Variants in AGBL4 observed in about 807,000 individuals in gnomAD.
AGBL4 encodes the protein cytosolic carboxypeptidase 6.
A neutral mutation model predicts 66.4 loss-of-function variants in AGBL4; 58 were observed. The observed-to-expected ratio is 0.87, with a 90% confidence interval of 0.71 to 1.09. The LOEUF (loss-of-function observed/expected upper bound fraction) is 1.09. AGBL4 is among the 50% of genes least tolerant of loss of function. AGBL4 has a pLI of 0.00. For missense variants in AGBL4, 579 were observed against 631.0 expected (o/e 0.92, Z 0.88); for synonymous variants, 234 against 222.9 (o/e 1.05, Z -0.44).
chr1:48,974,938 A>G (rs1406658035), intron 5 of AGBL4, among the ~76,000 whole-genome samples: 2 of 152,090 alleles, frequency 1.3e-5, no homozygotes, highest in Non-Finnish European at 1.5e-5. Flanking sequence ...TTGCTTTTTT[A>G]TCATAATCTA....
In AGBL4 at chr1:49,477,368, G is replaced by A. The variant is rs940382997; in HGVS notation, c.282+219945C>T. Reference sequence around the variant, plus strand: ...CCCTAGATCCACGTAGCTTAGAGTGGAGAGAAATCAGCTCCATTTGTTTGG... The same window carrying A: ...CCCTAGATCCACGTAGCTTAGAGTGAAGAGAAATCAGCTCCATTTGTTTGG... On this transcript the variant is annotated intron_variant, in intron 3 of 13. Coordinates refer to ENST00000371839, the MANE Select transcript of AGBL4 (RefSeq NM_032785.4). Among the ~76,000 whole-genome samples, 8 of 152,084 alleles carry A rather than the reference G, an allele frequency of 5.3e-5. 1 individual carries two copies. Among genetic ancestry groups the A allele is most frequent in the Middle Eastern group, 6.3e-3 (2 of 316 alleles).
chr1:48,704,992 G>A (rs967354764), intron 6 of AGBL4, among the ~76,000 whole-genome samples: 1 of 152,148 alleles, frequency 6.6e-6, no homozygotes, highest in Non-Finnish European at 1.5e-5. Flanking sequence ...TGTGAGTAAT[G>A]CTTTCTACTA....
At position 49,687,513 on chromosome 1, in the gene AGBL4, C is replaced by T. The variant is rs886332661; in HGVS notation, c.282+9800G>A. On this transcript the variant is annotated intron_variant, in intron 3 of 13. Coordinates refer to ENST00000371839, the MANE Select transcript of AGBL4 (RefSeq NM_032785.4). The stretch of plus-strand genomic sequence containing the variant: ...TGGGCAGAGCACAACGGTTCATGTC[C>T]GCAATCCCAGCACTTTAGGAGGCCG... 2.0e-5 allele frequency among the ~76,000 whole-genome samples: 3 copies of T among 151,952 alleles called. No homozygotes were observed. The East Asian group carries it at 5.8e-4, about 29-fold the overall frequency.
At chr1:49,395,650 T>A (rs1054126466) in intron 3 of AGBL4, among the ~76,000 whole-genome samples, 1 of 148,958 alleles carries the variant, frequency 6.7e-6, no homozygotes, top group Non-Finnish European at 1.5e-5. Context: ...CTTATGAGAA[T>A]GTATTTGAAT....
intron 3 of AGBL4, among the ~76,000 whole-genome samples, chr1:49,300,541 C>T (rs549106891): frequency 6.6e-6 from 1 of 152,128 alleles, no homozygotes; most frequent in South Asian, 2.1e-4. Flanking sequence ...AACAGGAGAC[C>T]CACAGGTCTC....
intron 4 of AGBL4, among the ~76,000 whole-genome samples, chr1:49,137,922 G>T (rs1330545244): frequency 2.0e-5 from 3 of 152,086 alleles, no homozygotes; most frequent in Non-Finnish European, 4.4e-5. Context: ...AGGGAGGGGA[G>T]ATTGAAGCTG....
intron 4 of AGBL4, among the ~76,000 whole-genome samples, chr1:49,047,074 T>C (rs1644098693): frequency 6.6e-6 from 1 of 152,202 alleles, no homozygotes; most frequent in African/African-American, 2.4e-5. Flanking sequence ...TAGTGTTTGT[T>C]GCAGAATCTT....
chr1:49,118,584 G>C (rs1201120207), intron 4 of AGBL4, among the ~76,000 whole-genome samples: 1 of 152,148 alleles, frequency 6.6e-6, no homozygotes, highest in Non-Finnish European at 1.5e-5. Context: ...TTGATGTGCT[G>C]CTGGATTTGG....
intron 9 of AGBL4, among the ~76,000 whole-genome samples, chr1:48,592,928 C>T (rs1644940438): frequency 6.6e-6 from 1 of 152,184 alleles, no homozygotes; most frequent in Non-Finnish European, 1.5e-5. Flanking sequence ...AATTTTGTTA[C>T]ATTTTTCTGA....
At chr1:49,532,495 A>T (rs761969310) in intron 3 of AGBL4, among the ~76,000 whole-genome samples, 13 of 152,126 alleles carry the variant, frequency 8.5e-5, no homozygotes, top group Non-Finnish European at 1.5e-4. Flanking sequence ...TTCATTATCC[A>T]AGTAAATACA....
chr1:49,870,521 G>C (rs1290649530), intron 1 of AGBL4, among the ~76,000 whole-genome samples: 1 of 150,336 alleles, frequency 6.7e-6, no homozygotes, highest in Non-Finnish European at 1.5e-5. Flanking sequence ...ATTACACATT[G>C]CATGCCTGTA....
intron 3 of AGBL4, among the ~76,000 whole-genome samples, chr1:49,655,271 C>T (rs1646100348): frequency 6.6e-6 from 1 of 152,176 alleles, no homozygotes; most frequent in Admixed American, 6.6e-5. Flanking sequence ...AGCCCCCACT[C>T]TCTTCTGGCT....
intron 3 of AGBL4, among the ~76,000 whole-genome samples, chr1:49,458,221 CTT>C (rs1646433957): frequency 6.6e-6 from 1 of 151,286 alleles, no homozygotes; most frequent in Non-Finnish European, 1.5e-5. Flanking sequence ...TCATCTATGA[CTT>C]TTTTCAGCAG....
intron 5 of AGBL4, among the ~76,000 whole-genome samples, chr1:49,013,480 T>C (rs999606602): frequency 1.3e-5 from 2 of 152,198 alleles, no homozygotes; most frequent in Non-Finnish European, 2.9e-5. Context: ...AGGAGCCCTT[T>C]ATTTTACAAA....
At chr1:49,965,545 C>G (rs1169748289) in intron 1 of AGBL4, among the ~76,000 whole-genome samples, 1 of 152,122 alleles carries the variant, frequency 6.6e-6, no homozygotes, top group Non-Finnish European at 1.5e-5. Flanking sequence ...TGAACAAAAC[C>G]CATATAACCA....
chr1:49,665,592 C>A (rs983707219), intron 3 of AGBL4, among the ~76,000 whole-genome samples: 3 of 152,030 alleles, frequency 2.0e-5, no homozygotes, highest in African/African-American at 4.8e-5. Flanking sequence ...TGCCAAGATT[C>A]TCTATTCTTA....
chr1:49,982,189 A>T (rs1357382830), intron 1 of AGBL4, among the ~76,000 whole-genome samples: 1 of 152,236 alleles, frequency 6.6e-6, no homozygotes, highest in Non-Finnish European at 1.5e-5. Context: ...AAACTTAGTG[A>T]TGGCAACAGT....
At chr1:48,620,417 C>T (rs1645392532) in intron 9 of AGBL4, among the ~76,000 whole-genome samples, 1 of 152,060 alleles carries the variant, frequency 6.6e-6, no homozygotes, top group South Asian at 2.1e-4. Flanking sequence ...TCTAGGACTA[C>T]AGGTGCGCAC....
At chr1:49,131,525 T>C (rs956236428) in intron 4 of AGBL4, among the ~76,000 whole-genome samples, 1 of 152,026 alleles carries the variant, frequency 6.6e-6, no homozygotes, top group Non-Finnish European at 1.5e-5. Context: ...GAATACAACA[T>C]AGAAGCAGCT....
Sources: allele counts gnomAD v4.1 joint callset (sites outside exome capture counted in the v4.1 genomes callset), GRCh38; gene constraint gnomAD v4.1.1; transcripts MANE v1.5; gene names NCBI Gene and HGNC (gene_info 2026-07-23, HGNC 2026-07-21).